The following NMBR variants were observed in gnomAD, a reference collection of about 807,000 sequenced individuals.
NMBR encodes neuromedin-B receptor.
NMBR carries 16 observed loss-of-function variants against 20.5 expected under a neutral mutation model. The ratio of observed to expected loss-of-function variants is 0.78; its 90% CI spans 0.53 to 1.19. NMBR has a LOEUF of 1.19. Ranked by LOEUF, NMBR falls within the 50% of genes most tolerant of loss-of-function variation. The pLI, the probability that NMBR is intolerant of heterozygous loss-of-function variation, is 0.00. For synonymous variants in NMBR, 212 were observed against 196.6 expected (o/e 1.08, Z -0.65); for missense variants, 582 against 499.1 (o/e 1.17, Z -1.58).
At chr6:142,078,480 G>T (rs1467243343) in intron 3 of NMBR, 75 bp downstream of exon 3, 3 of 824,762 alleles carry the variant, frequency 3.6e-6, no homozygotes, top group South Asian at 1.7e-5. Context: ...AGGATTAAAA[G>T]CCCACAAAAT....
chr6:142,090,926 G>A (rs931725948), intron 1 of NMBR, among the ~76,000 whole-genome samples: 1 of 151,920 alleles, frequency 6.6e-6, no homozygotes, highest in East Asian at 1.9e-4. Flanking sequence ...AAAATGTTTA[G>A]TCTAAAAGCT....
Position 142,088,830 on chromosome 6 carries a change from G to C in NMBR, c.-172C>G, listed in dbSNP as rs980940210. The C allele has an allele frequency of 5.5e-5, 34 of 613,924 alleles. No individual in the cohort carries two copies. Among genetic ancestry groups the C allele is most frequent in the Non-Finnish European group, 8.5e-5 (30 of 352,926 alleles). The allele number at this position is 613,924 out of a possible 1,614,324, so 38.0% of individuals were successfully genotyped here. On this transcript the variant is annotated 5_prime_UTR_variant, in exon 2 of 4. Coordinates refer to ENST00000258042, the MANE Select transcript of NMBR (RefSeq NM_002511.4). ...CCCTAAGAGTTCAGGACCTGGGGAG[G>C]GGTCTGTCCACACACTCGGGCGCTC... is the stretch of plus-strand genomic sequence containing the variant.
intron 1 of NMBR, chr6:142,132,974 A>C: frequency 2.4e-6 from 1 of 419,250 alleles, no homozygotes; most frequent in Non-Finnish European, 4.2e-6. Context: ...GGACAGAGAT[A>C]GGAAGGTTGA....
At chr6:142,080,310 TC>T (rs1353386043) in intron 2 of NMBR, among the ~76,000 whole-genome samples, 4 of 135,610 alleles carry the variant, frequency 2.9e-5, no homozygotes, top group Non-Finnish European at 6.2e-5. Flanking sequence ...TTGCCCTATA[TC>T]TTTTTTTTTT....
At chr6:142,120,540 A>G (rs941932694) in intron 1 of NMBR, among the ~76,000 whole-genome samples, 2 of 151,930 alleles carry the variant, frequency 1.3e-5, no homozygotes, top group African/African-American at 2.4e-5. Context: ...CATGTGTGAC[A>G]AGAAAACACC....
At chr6:142,135,319 G>A (rs1472812135) in intron 1 of NMBR, among the ~76,000 whole-genome samples, 2 of 151,944 alleles carry the variant, frequency 1.3e-5, no homozygotes, top group East Asian at 1.9e-4. Context: ...CCTTTCTGTG[G>A]AACTATACAG....
Position 142,075,520 on chromosome 6 carries a change from C to G in NMBR, c.*128G>C. 1.2e-6 allele frequency: 1 copy of G among 817,734 alleles called. No homozygotes were observed. Among genetic ancestry groups the G allele is most frequent in the Non-Finnish European group, 1.9e-6 (1 of 528,324 alleles). 50.7% of individuals were successfully genotyped at this position (817,734 alleles called of 1,614,324 possible). A position where few individuals can be genotyped will look rare whatever the true frequency, so the allele number is the denominator to read the frequency against. On this transcript the variant is annotated 3_prime_UTR_variant, in exon 4 of 4. Transcript: ENST00000258042. ...AAAGTCTAGTGTAGAGAAAAAATGTCTTGCATTTTCTGAGTCAATCATGCA... is the reference window on the plus strand; with the variant it reads ...AAAGTCTAGTGTAGAGAAAAAATGTGTTGCATTTTCTGAGTCAATCATGCA...
chr6:142,106,094 A>T (rs935919103), intron 1 of NMBR, among the ~76,000 whole-genome samples: 1 of 152,174 alleles, frequency 6.6e-6, no homozygotes, highest in African/African-American at 2.4e-5. Context: ...CCTGGGTCCC[A>T]AGTAGCCATG....
intron 2 of NMBR, among the ~76,000 whole-genome samples, 179 bp from the exon 3 acceptor site, chr6:142,079,082 A>AGGAAAGAG (rs1777029775): frequency 3.2e-5 from 3 of 94,094 alleles, no homozygotes; most frequent in South Asian, 6.8e-4. Context: ...GAGAGAAAGA[A>AGGAAAGAG]AGAAAGAGAG....
rs1041716373 is a variant in NMBR at position 142,088,964 on chromosome 6, G to A, written c.-306C>T. Among the ~76,000 whole-genome samples, 12 of 152,020 alleles carry A rather than the reference G, an allele frequency of 7.9e-5. No homozygotes were observed. The highest frequency in any genetic ancestry group is 3.4e-3 in the Middle Eastern group (1 of 292). ...TCCGTATTCAGTGGTTTGTTCTCGC[G>A]GTTATCTAGCGGAAAACAGCCTTTC... is the stretch of plus-strand genomic sequence containing the variant. On this transcript the variant is annotated 5_prime_UTR_variant, in exon 2 of 4. Transcript: ENST00000258042.
chr6:142,130,409 T>G (rs1303910873), intron 1 of NMBR, among the ~76,000 whole-genome samples: 1 of 152,116 alleles, frequency 6.6e-6, no homozygotes, highest in Non-Finnish European at 1.5e-5. Flanking sequence ...ATAATGTCCT[T>G]TGATTAGACT....
In NMBR at chr6:142,075,934, AT is replaced by A; in HGVS notation, c.886del (p.Ile296LeufsTer5). 1 of 1,614,066 alleles carries A rather than the reference AT, an allele frequency of 6.2e-7. No individual in the cohort carries two copies. Among genetic ancestry groups the A allele is most frequent in the Non-Finnish European group, 8.5e-7 (1 of 1,179,952 alleles). ...YMYRSFNYNE[I>X]DPSLGHMIVT... ...AATCATGTGGCCTAGAGATGGATCA[AT>A]CTCATTATAGTTGAAAGACCGATAC... On this transcript the variant is annotated frameshift_variant, in exon 4 of 4. Coordinates refer to ENST00000258042, the MANE Select transcript of NMBR (RefSeq NM_002511.4). LOFTEE classifies it high-confidence loss of function.
rs1554257065 is a variant in NMBR at position 142,079,104 on chromosome 6, GAGAA to G, written c.423-205_423-202del. Among the ~76,000 whole-genome samples, 110 of 58,626 alleles carry G rather than the reference GAGAA, an allele frequency of 1.9e-3. 2 individuals carry two copies. Among genetic ancestry groups the G allele is most frequent in the Middle Eastern group, 9.6e-3 (1 of 104 alleles). 38.5% of individuals were successfully genotyped at this position (58,626 alleles called of 152,430 possible). A position where few individuals can be genotyped will look rare whatever the true frequency, so the allele number is the denominator to read the frequency against. ...AGAAAGAAAGAGAGAAAGAGAGAGA[GAGAA>G]AGAAAGAAAGAAAGAAAGAAGAAAG... is the stretch of plus-strand genomic sequence containing the variant. On this transcript the variant is annotated intron_variant, in intron 2 of 3. Transcript: ENST00000258042.
chr6:142,075,482 A>G lies in NMBR; in HGVS notation c.*166T>C. On this transcript the variant is annotated 3_prime_UTR_variant, in exon 4 of 4. Transcript: ENST00000258042. ...TCATATTCTAATTATTAGGAAATGA[A>G]AAGAGAAAAAATAAAGTCTAGTGTA... The G allele has an allele frequency of 1.7e-6, 1 of 573,602 alleles. No homozygotes were observed. Among genetic ancestry groups the G allele is most frequent in the East Asian group, 2.9e-5 (1 of 33,942 alleles). The allele number at this position is 573,602 out of a possible 1,614,324, so 35.5% of individuals were successfully genotyped here. A position where few individuals can be genotyped will look rare whatever the true frequency, so the allele number is the denominator to read the frequency against.
intron 1 of NMBR, among the ~76,000 whole-genome samples, chr6:142,127,726 T>C (rs1386695587): frequency 1.3e-5 from 2 of 151,948 alleles, no homozygotes; most frequent in Non-Finnish European, 1.5e-5. Context: ...TTCCTGAGTA[T>C]TTTTTTCTTT....
At chr6:142,146,286 A>T (rs1284210044) in intron 1 of NMBR, among the ~76,000 whole-genome samples, 1 of 152,158 alleles carries the variant, frequency 6.6e-6, no homozygotes, top group Non-Finnish European at 1.5e-5. Flanking sequence ...GCAGAGGGGA[A>T]TTTCCGAGCT....
chr6:142,119,987 T>G (rs1457021601), intron 1 of NMBR, among the ~76,000 whole-genome samples: 1 of 151,984 alleles, frequency 6.6e-6, no homozygotes, highest in African/African-American at 2.4e-5. Context: ...GTTGGCTTAA[T>G]TTTAAGTAAA....
At chr6:142,084,811 C>T (rs1562233311) in intron 2 of NMBR, among the ~76,000 whole-genome samples, 3 of 152,230 alleles carry the variant, frequency 2.0e-5, no homozygotes, top group Admixed American at 2.0e-4. Flanking sequence ...ATAACGCCAA[C>T]CAGGAGCAAA....
intron 1 of NMBR, among the ~76,000 whole-genome samples, chr6:142,121,436 T>C (rs943639836): frequency 6.6e-6 from 1 of 151,918 alleles, no homozygotes; most frequent in Non-Finnish European, 1.5e-5. Context: ...TTGCTCTAGT[T>C]AGCCAAGCTG....
Sources: gnomAD v4.1 joint callset for allele counts (sites outside exome capture counted in the v4.1 genomes callset) on GRCh38, gnomAD v4.1.1 for gene constraint, MANE v1.5 for transcripts, NCBI Gene and HGNC (gene_info 2026-07-23, HGNC 2026-07-21) for gene names.